Variants in IL10RB observed in about 807,000 individuals in gnomAD.
The protein encoded by IL10RB is interleukin 10 receptor subunit beta.
Under a neutral mutation model 38.7 loss-of-function variants are expected in IL10RB, and 30 were observed. The observed-to-expected ratio is 0.78, with a 90% CI of 0.58 to 1.05. The LOEUF is 1.05. Among genes scored for constraint, IL10RB ranks in the 50% least tolerant of loss-of-function variants. The probability of loss-of-function intolerance (pLI) is 0.00; values close to 1 mark genes in which losing one functional copy is unlikely to be tolerated. For missense variants in IL10RB, 328 were observed against 397.1 expected, an observed-to-expected ratio of 0.83 and a Z score of 1.48; for synonymous variants, 142 against 145.9, an observed-to-expected ratio of 0.97 and a Z score of 0.19.
chr21:33,288,706 G>A (rs776678220), intron 6 of IL10RB, among the ~76,000 whole-genome samples: 8 of 152,168 alleles, frequency 5.3e-5, no homozygotes, highest in Non-Finnish European at 1.0e-4. Context: ...TGGAATATAC[G>A]AGAGCGATTG....
At chr21:33,279,695 T>C in intron 3 of IL10RB, 57 bp from the exon 4 acceptor site, 2 of 1,445,562 alleles carry the variant, frequency 1.4e-6, no homozygotes, top group South Asian at 1.1e-5. Context: ...GAAAAATTAA[T>C]GTTGAAGTTT....
At chr21:33,293,004 A>G (rs1009682950) in intron 6 of IL10RB, among the ~76,000 whole-genome samples, 3 of 152,194 alleles carry the variant, frequency 2.0e-5, no homozygotes, top group Non-Finnish European at 4.4e-5. Context: ...CTGCCTCCAG[A>G]ACCCTGAGGC....
chr21:33,271,746 G>A (rs1265271726), intron 2 of IL10RB, among the ~76,000 whole-genome samples: 1 of 151,622 alleles, frequency 6.6e-6, no homozygotes, highest in Non-Finnish European at 1.5e-5. Context: ...AAAAAACCTA[G>A]TGAAAAAGAT....
At chr21:33,286,688 T>C (rs1002432222) in intron 5 of IL10RB, among the ~76,000 whole-genome samples, 3 of 151,784 alleles carry the variant, frequency 2.0e-5, no homozygotes, top group Non-Finnish European at 4.4e-5. Context: ...CCCATCTCTA[T>C]AAAATATTTT....
Position 33,276,720 on chromosome 21 carries a change from TGG to T in IL10RB, c.300_301del (p.Trp100CysfsTer10). On this transcript the variant is annotated frameshift_variant, in exon 3 of 7. Transcript: ENST00000290200. LOFTEE classifies it high-confidence loss of function. ...TGAATTTGCAGATGAGCATTCAGAC[TGG>T]GTAAACATCACCTTCTGTCCTGTGG... ...RAEFADEHSDWVNITFCPVDD... is the reference protein window; with the variant it reads ...RAEFADEHSDXVNITFCPVDD... 6.2e-7 allele frequency: 1 copy of T among 1,614,140 alleles called. No individual in the cohort carries two copies. The highest frequency in any genetic ancestry group is 8.5e-7 in the Non-Finnish European group (1 of 1,179,960).
exon 2 of IL10RB, chr21:33,309,387 T>C (rs2083006562): frequency 6.6e-6 from 1 of 152,218 alleles, no homozygotes. Flanking sequence ...AGAAAGTGTT[T>C]ACATTTGTTT....
At chr21:33,303,193 C>T (rs368806172) in intron 1 of IL10RB, among the ~76,000 whole-genome samples, 18 of 152,186 alleles carry the variant, frequency 1.2e-4, no homozygotes, top group African/African-American at 3.9e-4. Context: ...CGCTAGTTCC[C>T]GGGTCCATAA....
intron 3 of IL10RB, 150 bp downstream of exon 3, chr21:33,276,903 T>C: frequency 1.5e-6 from 1 of 667,560 alleles, no homozygotes; most frequent in African/African-American, 1.8e-5. Flanking sequence ...AAGAGAGTTG[T>C]ATCCCTAAAG....
intron 6 of IL10RB, among the ~76,000 whole-genome samples, chr21:33,289,229 G>A (rs370752744): frequency 2.6e-5 from 4 of 152,194 alleles, no homozygotes; most frequent in South Asian, 2.1e-4. Context: ...CTAGGAGCAC[G>A]AGTGCCTCAT....
intron 6 of IL10RB, among the ~76,000 whole-genome samples, chr21:33,290,119 A>C (rs1169969449): frequency 6.6e-6 from 1 of 151,122 alleles, no homozygotes; most frequent in African/African-American, 2.4e-5. Context: ...GTCTCAAAAA[A>C]AAAAAATACA....
chr21:33,305,764 G>A (rs550289253), intron 1 of IL10RB, among the ~76,000 whole-genome samples: 1 of 152,274 alleles, frequency 6.6e-6, no homozygotes, highest in African/African-American at 2.4e-5. Flanking sequence ...ATCTTGGGCT[G>A]ATGCCTCCCA....
At position 33,288,087 on chromosome 21, in the gene IL10RB, C is replaced by A. The variant is rs754534212; in HGVS notation, c.647-17C>A. The A allele has an allele frequency of 2.5e-6, 4 of 1,613,204 alleles. No individual in the cohort carries two copies. Among genetic ancestry groups the A allele is most frequent in the South Asian group, 2.2e-5 (2 of 91,042 alleles). ...CGACCTGTGACAAGAATGTAACATG[C>A]CCATTACCCCTGGCAGAAACGGTCC... is the stretch of plus-strand genomic sequence containing the variant. On this transcript the variant is annotated splice_polypyrimidine_tract_variant and intron_variant, in intron 5 of 6. Coordinates refer to ENST00000290200, the MANE Select transcript of IL10RB (RefSeq NM_000628.5).
intron 1 of IL10RB, among the ~76,000 whole-genome samples, chr21:33,304,399 A>G (rs139287834): frequency 2.0e-5 from 3 of 152,318 alleles, no homozygotes; most frequent in Non-Finnish European, 2.9e-5. Flanking sequence ...AGTACAAGCC[A>G]TGCTGACTCG....
chr21:33,307,206 C>A (rs758359592), intron 1 of IL10RB, among the ~76,000 whole-genome samples: 2 of 152,194 alleles, frequency 1.3e-5, no homozygotes, highest in Non-Finnish European at 2.9e-5. Flanking sequence ...TTCTGATTCA[C>A]CCCAGTCCCT....
At chr21:33,304,194 T>C (rs908100033) in intron 1 of IL10RB, among the ~76,000 whole-genome samples, 1 of 152,206 alleles carries the variant, frequency 6.6e-6, no homozygotes, top group Admixed American at 6.5e-5. Context: ...CACAGCGCTG[T>C]TGGCCAGGAA....
chr21:33,285,135 C>T (rs928649017), intron 5 of IL10RB, among the ~76,000 whole-genome samples: 10 of 152,308 alleles, frequency 6.6e-5, no homozygotes, highest in Admixed American at 2.6e-4. Flanking sequence ...AAGTGATCCA[C>T]CCACCTCAGC....
chr21:33,293,898 A>G (rs529658982), intron 6 of IL10RB: 82 of 434,198 alleles, frequency 1.9e-4, no homozygotes, highest in Non-Finnish European at 3.6e-4. Context: ...TGCAGCAGGA[A>G]GAACAAAGAA....
intron 6 of IL10RB, among the ~76,000 whole-genome samples, chr21:33,293,221 G>C (rs1380108189): frequency 6.6e-6 from 1 of 152,192 alleles, no homozygotes; most frequent in Non-Finnish European, 1.5e-5. Flanking sequence ...TGGCGTGTCT[G>C]GTCCTATTAA....
intron 1 of IL10RB, chr21:33,267,935 C>G (rs1989002826): frequency 3.9e-6 from 1 of 258,894 alleles, no homozygotes; most frequent in South Asian, 4.5e-5. Context: ...CTACTTCAGC[C>G]TCTCTCCAGC....
Sources: allele counts gnomAD v4.1 joint callset (sites outside exome capture counted in the v4.1 genomes callset), GRCh38; gene constraint gnomAD v4.1.1; transcripts MANE v1.5; gene names NCBI Gene and HGNC (gene_info 2026-07-23, HGNC 2026-07-21).